Variants in TMEM163 observed in about 807,000 individuals in gnomAD.
TMEM163 encodes the protein transmembrane protein 163.
A neutral mutation model predicts 29.3 loss-of-function variants in TMEM163; 17 were observed. The ratio of observed to expected loss-of-function variants is 0.58; its 90% CI spans 0.40 to 0.87. The LOEUF (loss-of-function observed/expected upper bound fraction) is 0.87, where lower values mean the gene tolerates loss of function less well. Ranked by LOEUF, TMEM163 falls within the 40% of genes least tolerant of loss-of-function variation. The pLI is 0.00. For synonymous variants in TMEM163, 157 were observed against 160.6 expected, an observed-to-expected ratio of 0.98 and a Z score of 0.17; for missense variants, 303 against 381.5, an observed-to-expected ratio of 0.79 and a Z score of 1.71.
At chr2:134,532,469 C>T (rs1397938331) in intron 4 of TMEM163, among the ~76,000 whole-genome samples, 1 of 152,230 alleles carries the variant, frequency 6.6e-6, no homozygotes, top group East Asian at 1.9e-4. Context: ...GCCAAATCCT[C>T]CTCCCTAAGC....
At chr2:134,465,306 A>G (rs1409898554) in intron 6 of TMEM163, among the ~76,000 whole-genome samples, 1 of 152,134 alleles carries the variant, frequency 6.6e-6, no homozygotes, top group Non-Finnish European at 1.5e-5. Context: ...ATACAGACAC[A>G]TATATATAAA....
chr2:134,667,428 T>A (rs992842276), intron 2 of TMEM163, among the ~76,000 whole-genome samples: 20 of 152,228 alleles, frequency 1.3e-4, no homozygotes, highest in African/African-American at 4.8e-4. Context: ...CTAACTGGCA[T>A]GTGACATGGC....
At chr2:134,502,823 C>G in intron 5 of TMEM163, 78 bp downstream of exon 5, 1 of 1,315,478 alleles carries the variant, frequency 7.6e-7, no homozygotes, top group South Asian at 1.3e-5. Context: ...CGACTCCACC[C>G]GGGAACCCTG....
Position 134,460,195 on chromosome 2 carries a change from C to A in TMEM163, c.668-2022G>T. Among the ~76,000 whole-genome samples the A allele has an allele frequency of 6.6e-6, 1 of 151,516 alleles. No homozygotes were observed. The highest frequency in any genetic ancestry group is 2.0e-4 in the East Asian group (1 of 5,094). On this transcript the variant is annotated intron_variant, in intron 6 of 7. Transcript: ENST00000281924. This position sits in a 1 kb window ranked among gnomAD's most constrained non-coding sequence, Gnocchi z 4.3. ...CCTCTGTCGGTGAGCAGCAGCCAGA[C>A]TCTCCCGCAGGAAAGCCCCCGTCAC...
At chr2:134,689,339 C>A (rs1684414087) in intron 2 of TMEM163, among the ~76,000 whole-genome samples, 1 of 152,082 alleles carries the variant, frequency 6.6e-6, no homozygotes, top group African/African-American at 2.4e-5. Context: ...ATCTCCTGAC[C>A]TCAGGTGATC....
intron 2 of TMEM163, among the ~76,000 whole-genome samples, chr2:134,573,523 G>C (rs1190388094): frequency 1.3e-5 from 2 of 152,092 alleles, no homozygotes; most frequent in African/African-American, 4.8e-5. Context: ...AGCCTACAAG[G>C]TACAGGGCAG....
chr2:134,603,915 G>A (rs1269020453), intron 2 of TMEM163, among the ~76,000 whole-genome samples: 1 of 151,756 alleles, frequency 6.6e-6, no homozygotes, highest in African/African-American at 2.4e-5. Context: ...AGAAGGAAGC[G>A]AGGAAGGAAG....
intron 5 of TMEM163, among the ~76,000 whole-genome samples, chr2:134,497,380 G>A (rs1347373968): frequency 6.6e-6 from 1 of 152,168 alleles, no homozygotes; most frequent in African/African-American, 2.4e-5. Flanking sequence ...ACATGTGGCT[G>A]TTTATTATTC....
At chr2:134,636,161 T>G (rs756873235) in intron 2 of TMEM163, among the ~76,000 whole-genome samples, 2 of 152,162 alleles carry the variant, frequency 1.3e-5, no homozygotes, top group Non-Finnish European at 2.9e-5. Flanking sequence ...CTAAGTGCAT[T>G]GTCAGGGCTG....
At chr2:134,608,614 G>A (rs1446499504) in intron 2 of TMEM163, among the ~76,000 whole-genome samples, 1 of 63,518 alleles carries the variant, frequency 1.6e-5, no homozygotes. Flanking sequence ...GTGAAAAGGA[G>A]GACAGACCCC....
At chr2:134,553,639 T>C (rs552901344) in intron 2 of TMEM163, among the ~76,000 whole-genome samples, 1 of 152,142 alleles carries the variant, frequency 6.6e-6, no homozygotes, top group Non-Finnish European at 1.5e-5. Flanking sequence ...CTGTGTGAGG[T>C]GGAATACAAC....
intron 2 of TMEM163, among the ~76,000 whole-genome samples, chr2:134,590,631 T>C (rs536280677): frequency 3.2e-4 from 48 of 152,304 alleles, no homozygotes; most frequent in Middle Eastern, 3.4e-3. Flanking sequence ...AGAATGGCTA[T>C]TCCATAGGCA....
intron 2 of TMEM163, among the ~76,000 whole-genome samples, chr2:134,579,492 A>C (rs1169448786): frequency 6.6e-6 from 1 of 152,248 alleles, no homozygotes; most frequent in Non-Finnish European, 1.5e-5. Flanking sequence ...CCAAATGAAC[A>C]GACTCACTGA....
chr2:134,638,936 G>T (rs12105552), intron 2 of TMEM163, among the ~76,000 whole-genome samples: 1 of 152,102 alleles, frequency 6.6e-6, no homozygotes, highest in Admixed American at 6.5e-5. Flanking sequence ...AGAAGGGACA[G>T]GAATGGGAAC....
intron 2 of TMEM163, among the ~76,000 whole-genome samples, chr2:134,592,869 G>GAGATAGAGAGATAGATAGATAGATAGAT (rs1681969451): frequency 6.8e-6 from 1 of 148,094 alleles, no homozygotes; most frequent in South Asian, 2.2e-4. Context: ...TATTAATATA[G>GAGATAGAGAGATAGATAGATAGATAGAT]AGATAGATAG....
Position 134,460,438 on chromosome 2 carries a change from T to G in TMEM163, c.668-2265A>C, listed in dbSNP as rs112225786. Among the ~76,000 whole-genome samples, 8 of 152,046 alleles carry G rather than the reference T, an allele frequency of 5.3e-5. No homozygotes were observed. Among genetic ancestry groups the G allele is most frequent in the African/African-American group, 1.9e-4 (8 of 41,470 alleles). On this transcript the variant is annotated intron_variant, in intron 6 of 7. Transcript: ENST00000281924. The surrounding 1 kb of genome is among the most constrained non-coding windows in gnomAD (Gnocchi z 4.3). ...TTTGCCATTTTAACCGCCCCCCTCC[T>G]CTCACTGGAAACCTAAGCTTAAGGA...
chr2:134,605,388 G>A (rs982654861), intron 2 of TMEM163, among the ~76,000 whole-genome samples: 7 of 152,072 alleles, frequency 4.6e-5, no homozygotes, highest in African/African-American at 1.2e-4. Context: ...CAACAGCAGC[G>A]CCCCTCAATG....
chr2:134,500,733 C>T (rs996707218), intron 5 of TMEM163, among the ~76,000 whole-genome samples: 1 of 151,798 alleles, frequency 6.6e-6, no homozygotes. Context: ...CACACAAAGA[C>T]AAGCATCACA....
intron 2 of TMEM163, among the ~76,000 whole-genome samples, chr2:134,702,988 A>G (rs149928000): frequency 5.5e-4 from 84 of 152,302 alleles, no homozygotes; most frequent in African/African-American, 1.9e-3. Flanking sequence ...ACTCTAAGGG[A>G]ACATTATTTG....
Sources: allele counts gnomAD v4.1 joint callset (sites outside exome capture counted in the v4.1 genomes callset), GRCh38; gene constraint gnomAD v4.1.1; non-coding constraint Gnocchi (gnomAD v3.1); transcripts MANE v1.5; gene names NCBI Gene and HGNC (gene_info 2026-07-23, HGNC 2026-07-21).